Variants in RHCG observed in about 807,000 individuals in gnomAD.
RHCG encodes ammonium transporter Rh type C.
In RHCG, 39 loss-of-function variants were observed where a neutral mutation model predicts 55.3. The observed-to-expected ratio is 0.70, with a 90% CI of 0.55 to 0.92. The LOEUF (loss-of-function observed/expected upper bound fraction) is 0.92, where lower values mean the gene tolerates loss of function less well. RHCG is among the 40% of genes least tolerant of loss of function. The probability of loss-of-function intolerance (pLI) is 0.00; values close to 1 mark genes in which losing one functional copy is unlikely to be tolerated. For synonymous variants in RHCG, 250 were observed against 246.8 expected, an observed-to-expected ratio of 1.01 and a Z score of -0.12; for missense variants, 635 against 627.9, an observed-to-expected ratio of 1.01 and a Z score of -0.12.
rs753849676 is a variant in RHCG, at chr15:89,486,907, G to A, written c.263C>T (p.Ala88Val). 6.2e-7 allele frequency: 1 copy of A among 1,613,210 alleles called. No individual in the cohort carries two copies. The highest frequency in any genetic ancestry group is 1.7e-5 in the Admixed American group (1 of 59,966). Residue 88 changes from alanine to valine, a missense_variant, in exon 2 of 11, where the codon GCC becomes GTC. Transcript: ENST00000268122. ...MTFLQRYGFS[A>V]VGFNFLLAAF... Reference sequence around the variant, plus strand: ...TGCCAACAGGAAGTTGAAGCCCACGGCGCTGAAGCCGTAGCGCTGCAGGAA... The same window carrying A: ...TGCCAACAGGAAGTTGAAGCCCACGACGCTGAAGCCGTAGCGCTGCAGGAA...
At chr15:89,475,238 C>G (rs1961126253) in intron 9 of RHCG, among the ~76,000 whole-genome samples, 2 of 150,342 alleles carry the variant, frequency 1.3e-5, no homozygotes, top group East Asian at 1.9e-4. Context: ...CTTTTCTTTC[C>G]TTCCTTTTTT....
intron 2 of RHCG, 57 bp downstream of exon 2, chr15:89,486,742 C>T: frequency 2.6e-6 from 4 of 1,539,302 alleles, no homozygotes; most frequent in Non-Finnish European, 2.6e-6. Flanking sequence ...TCAGGCTCAC[C>T]TGCCCAGCCC....
At chr15:89,488,295 T>C (rs142468139) in intron 1 of RHCG, among the ~76,000 whole-genome samples, 1 of 151,732 alleles carries the variant, frequency 6.6e-6, no homozygotes, top group Non-Finnish European at 1.5e-5. Context: ...TACACTTAAA[T>C]ATGGAAAAAG....
rs201569897 is a variant in RHCG, at chr15:89,483,135, G to A, written c.454C>T (p.Leu152Phe). Residue 152 changes from leucine to phenylalanine, a missense_variant, in exon 3 of 11, where the codon CTC (leucine) becomes TTC (phenylalanine). Coordinates refer to ENST00000268122, the MANE Select transcript of RHCG (RefSeq NM_016321.3). ...VLGKVSPIQLLIMTFFQVTLF... is the reference protein window; with the variant it reads ...VLGKVSPIQLFIMTFFQVTLF... ...GTCACTTGGAAGAAAGTCATGATGA[G>A]CAGCTGAATGGGGCTGACTTTACCC... 1.5e-5 allele frequency: 24 copies of A among 1,608,552 alleles called. No homozygotes were observed. The Admixed American group carries it at 1.5e-4, about 10-fold the overall frequency.
intron 1 of RHCG, among the ~76,000 whole-genome samples, chr15:89,494,095 C>T (rs936168375): frequency 6.6e-6 from 1 of 152,138 alleles, no homozygotes; most frequent in African/African-American, 2.4e-5. Context: ...TACCCCATCC[C>T]TTTCACAAAC....
At chr15:89,479,099 C>G (rs1961212666) in intron 5 of RHCG, among the ~76,000 whole-genome samples, 1 of 151,048 alleles carries the variant, frequency 6.6e-6, no homozygotes, top group Non-Finnish European at 1.5e-5. Flanking sequence ...GACTCCATCT[C>G]AAAAAAACAA....
intron 1 of RHCG, among the ~76,000 whole-genome samples, chr15:89,493,711 G>A (rs779999266): frequency 2.8e-4 from 42 of 152,282 alleles, no homozygotes; most frequent in Middle Eastern, 6.8e-3. Flanking sequence ...TGAGTGGAGC[G>A]GGGGAAAGGG....
Position 89,479,398 on chromosome 15 carries a change from T to C in RHCG, c.761A>G (p.Tyr254Cys). 2.5e-6 allele frequency: 4 copies of C among 1,614,082 alleles called. 1 individual carries two copies. The highest frequency in any genetic ancestry group is 3.4e-6 in the Non-Finnish European group (4 of 1,180,014). Residue 254 changes from tyrosine to cysteine, a missense_variant, in exon 5 of 11, where the codon TAC (tyrosine) becomes TGC (cysteine). Tyr to Cys is a radical substitution (Grantham distance 194). Transcript: ENST00000268122. Reference sequence around the variant, plus strand: ...AAGCACGCAGGCTGCCAAGGAGCAGTAGGTGTTGATGGCGGCTCGGTGCTG... The same window carrying C: ...AAGCACGCAGGCTGCCAAGGAGCAGCAGGTGTTGATGGCGGCTCGGTGCTG... ...DSQHRAAINT[Y>C]CSLAACVLTS... is the part of the protein sequence containing the mutation.
chr15:89,475,067 T>C (rs113684822), intron 9 of RHCG, among the ~76,000 whole-genome samples: 1 of 148,438 alleles, frequency 6.7e-6, no homozygotes, highest in African/African-American at 2.5e-5. Flanking sequence ...CCTTCCTGCC[T>C]GCCTTCCTGC....
rs1193786933 is a variant in RHCG at position 89,486,945 on chromosome 15, G to A, written c.225C>T (p.Gly75=). The A allele has an allele frequency of 6.2e-7, 1 of 1,609,212 alleles. No individual in the cohort carries two copies. The highest frequency in any genetic ancestry group is 8.5e-7 in the Non-Finnish European group (1 of 1,176,416). The change falls in exon 2 of 11, where the codon GGC becomes GGT. Residue 75 remains glycine, a synonymous_variant. Transcript: ENST00000268122. ...AGCGCTGCAGGAAAGTCATGAGGAAGCCGAAGCCCACGAAGACCATCACGT... is the reference window on the plus strand; with the variant it reads ...AGCGCTGCAGGAAAGTCATGAGGAAACCGAAGCCCACGAAGACCATCACGT... ...DVHVMVFVGF[G]FLMTFLQRYG...
At chr15:89,491,018 A>G (rs1025447478) in intron 1 of RHCG, among the ~76,000 whole-genome samples, 7 of 152,180 alleles carry the variant, frequency 4.6e-5, no homozygotes, top group Non-Finnish European at 8.8e-5. Flanking sequence ...GGAAGACAGC[A>G]TCACCGCAAG....
chr15:89,492,322 G>A (rs7164142), intron 1 of RHCG, among the ~76,000 whole-genome samples: 1,913 of 152,242 alleles, frequency 0.013, 49 homozygotes, highest in African/African-American at 0.044. Flanking sequence ...GGGGAACAAA[G>A]TGTCCCACAC....
At chr15:89,486,200 C>A in intron 2 of RHCG, 1 of 454,278 alleles carries the variant, frequency 2.2e-6, no homozygotes. Flanking sequence ...CCACACCTGT[C>A]TCACAGCTGT....
chr15:89,474,752 GCCTTCCTTCCTGCCTT>G (rs1567223867), intron 9 of RHCG, among the ~76,000 whole-genome samples: 438 of 132,312 alleles, frequency 3.3e-3, no homozygotes, highest in African/African-American at 0.013. Flanking sequence ...CTTCCTGCCT[GCCTTCCTTCCTGCCTT>G]CCTTCCTTCC....
intron 1 of RHCG, among the ~76,000 whole-genome samples, chr15:89,489,996 G>A (rs568720667): frequency 3.7e-4 from 57 of 152,316 alleles, no homozygotes; most frequent in Non-Finnish European, 6.3e-4. Context: ...TGCCAAGGTC[G>A]ACTCTCAGTT....
Position 89,477,027 on chromosome 15 carries a change from C to T in RHCG, c.1237+55G>A. The T allele has an allele frequency of 1.2e-6, 2 of 1,610,692 alleles. No homozygotes were observed. Among genetic ancestry groups the T allele is most frequent in the Non-Finnish European group, 1.7e-6 (2 of 1,177,758 alleles). Reference sequence around the variant, plus strand: ...GTGCCGCATGCCCTTTGCTTCTCCACCCAGGGAGCCCCACAGCAGCACCCC... The same window carrying T: ...GTGCCGCATGCCCTTTGCTTCTCCATCCAGGGAGCCCCACAGCAGCACCCC... On this transcript the variant is annotated intron_variant, in intron 8 of 10. Transcript: ENST00000268122. The surrounding 1 kb of genome is among the most constrained non-coding windows in gnomAD (Gnocchi z 4.5).
At chr15:89,475,086 CTGCCTGCCTTCATTCA>C (rs1164963825) in intron 9 of RHCG, among the ~76,000 whole-genome samples, 2 of 102,874 alleles carry the variant, frequency 1.9e-5, no homozygotes, top group East Asian at 3.0e-4. Flanking sequence ...GCCTTCCTGC[CTGCCTGCCTTCATTCA>C]TTCCTGCCTG....
chr15:89,483,932 C>T (rs1329832916), intron 2 of RHCG, among the ~76,000 whole-genome samples: 2 of 152,210 alleles, frequency 1.3e-5, no homozygotes, highest in African/African-American at 4.8e-5. Flanking sequence ...AGGCAGACAG[C>T]TGAGTGGACA....
chr15:89,486,693 C>T, intron 2 of RHCG, 106 bp downstream of exon 2: 3 of 1,227,140 alleles, frequency 2.4e-6, no homozygotes, highest in Non-Finnish European at 3.4e-6. Context: ...GCCCTCCAGC[C>T]TCAAGCCCGG....
Sources: allele counts gnomAD v4.1 joint callset (sites outside exome capture counted in the v4.1 genomes callset), GRCh38; gene constraint gnomAD v4.1.1; non-coding constraint Gnocchi (gnomAD v3.1); transcripts MANE v1.5; gene names NCBI Gene and HGNC (gene_info 2026-07-23, HGNC 2026-07-21).